The following NPAS3 variants were observed in gnomAD, a reference collection of about 807,000 sequenced individuals.
NPAS3 encodes the protein neuronal PAS domain protein 3.
Under a neutral mutation model 73.1 loss-of-function variants are expected in NPAS3, and 14 were observed. That is an observed-to-expected ratio of 0.19 (90% CI 0.13 to 0.30). The LOEUF is 0.30. NPAS3 is among the 10% of genes least tolerant of loss of function. The pLI, the probability that NPAS3 is intolerant of heterozygous loss-of-function variation, is 1.00. For missense variants in NPAS3, 1,096 were observed against 1,250.0 expected (o/e 0.88, Z 1.86); for synonymous variants, 620 against 541.5 (o/e 1.14, Z -2.01).
At chr14:33,479,274 G>A (rs958774380) in intron 4 of NPAS3, among the ~76,000 whole-genome samples, 4 of 151,878 alleles carry the variant, frequency 2.6e-5, no homozygotes, top group Non-Finnish European at 5.9e-5. Context: ...CTTACAGCTC[G>A]CTCTAGCAAG....
chr14:33,535,980 T>C (rs1734347360), intron 4 of NPAS3, among the ~76,000 whole-genome samples: 1 of 152,180 alleles, frequency 6.6e-6, no homozygotes, highest in Non-Finnish European at 1.5e-5. Flanking sequence ...AATACTCTCT[T>C]TGGCCATAGA....
At chr14:33,139,295 T>C (rs2043956402) in intron 2 of NPAS3, among the ~76,000 whole-genome samples, 1 of 152,198 alleles carries the variant, frequency 6.6e-6, no homozygotes, top group Non-Finnish European at 1.5e-5. Context: ...TATGTGCACA[T>C]TGGCTTCCTC....
chr14:32,973,437 C>G (rs1405184444), intron 1 of NPAS3, among the ~76,000 whole-genome samples: 1 of 151,924 alleles, frequency 6.6e-6, no homozygotes, highest in Non-Finnish European at 1.5e-5. Flanking sequence ...AACAGTGTTC[C>G]AAGTTTCATC....
intron 5 of NPAS3, among the ~76,000 whole-genome samples, chr14:33,613,855 G>A (rs141446833): frequency 3.5e-3 from 532 of 152,174 alleles, no homozygotes; most frequent in African/African-American, 0.012. Flanking sequence ...GTACTGCTTT[G>A]TTTATATTTT....
chr14:33,524,257 G>C (rs2053691832), intron 4 of NPAS3, among the ~76,000 whole-genome samples: 2 of 152,096 alleles, frequency 1.3e-5, no homozygotes, highest in Admixed American at 1.3e-4. Flanking sequence ...AACTGCATAT[G>C]TATTTGTCTG....
At position 33,789,583 on chromosome 14, in the gene NPAS3, C is replaced by CTTTTTTTTTTTTTTTTTTTTTTTTTTT. The variant is rs10567527; in HGVS notation, c.1154-4291_1154-4290insTTTTTTTTTTTTTTTTTTTTTTTTTTT. On this transcript the variant is annotated intron_variant, in intron 9 of 11. Coordinates refer to ENST00000356141, the Ensembl canonical transcript of NPAS3. ...ACTAAAAGTAATTACTAGAGTACAA[C>CTTTTTTTTTTTTTTTTTTTTTTTTTTT]TTTTTTTTTTTTTTTTTTTTTTTGA... Among the ~76,000 whole-genome samples the CTTTTTTTTTTTTTTTTTTTTTTTTTTT allele has an allele frequency of 9.7e-5, 9 of 92,412 alleles. 2 individuals are homozygous for CTTTTTTTTTTTTTTTTTTTTTTTTTTT. The highest frequency in any genetic ancestry group is 3.5e-4 in the African/African-American group (8 of 23,084). The allele number at this position is 92,412 out of a possible 152,430, so 60.6% of individuals were successfully genotyped here.
intron 6 of NPAS3, among the ~76,000 whole-genome samples, chr14:33,697,252 A>G (rs1414082559): frequency 6.6e-6 from 1 of 152,150 alleles, no homozygotes; most frequent in East Asian, 1.9e-4. Flanking sequence ...ACCTATGTCT[A>G]TCAGACAGCA....
intron 3 of NPAS3, among the ~76,000 whole-genome samples, chr14:33,321,795 T>A (rs961274766): frequency 7.9e-5 from 12 of 152,150 alleles, no homozygotes; most frequent in Non-Finnish European, 1.5e-5. Flanking sequence ...TAGGTGTTTT[T>A]ATGTAACACA....
At chr14:33,183,960 A>C (rs2045894956) in intron 2 of NPAS3, among the ~76,000 whole-genome samples, 1 of 152,136 alleles carries the variant, frequency 6.6e-6, no homozygotes, top group Non-Finnish European at 1.5e-5. Context: ...AGTATCCCTG[A>C]AAACTCTCAT....
At chr14:33,001,158 A>G (rs541072393) in intron 1 of NPAS3, among the ~76,000 whole-genome samples, 2 of 152,298 alleles carry the variant, frequency 1.3e-5, no homozygotes, top group East Asian at 3.9e-4. Flanking sequence ...GGTTTGTAAT[A>G]GCTACATTCT....
At chr14:33,375,864 T>A (rs2046291215) in intron 4 of NPAS3, among the ~76,000 whole-genome samples, 1 of 152,234 alleles carries the variant, frequency 6.6e-6, no homozygotes, top group Non-Finnish European at 1.5e-5. Flanking sequence ...TTATGTAATT[T>A]AGCAAACTAA....
intron 5 of NPAS3, among the ~76,000 whole-genome samples, chr14:33,588,679 C>T (rs1480417539): frequency 1.3e-5 from 2 of 152,084 alleles, no homozygotes. Context: ...AGCGGTGTGA[C>T]CTTGGCTCAC....
chr14:33,549,302 G>A (rs1386886193), intron 4 of NPAS3, among the ~76,000 whole-genome samples: 3 of 152,070 alleles, frequency 2.0e-5, no homozygotes, highest in Non-Finnish European at 4.4e-5. Flanking sequence ...CACAATCTCG[G>A]CTCACTGCAA....
chr14:33,777,240 T>C (rs2138499527), intron 8 of NPAS3, among the ~76,000 whole-genome samples: 1 of 152,242 alleles, frequency 6.6e-6, no homozygotes, highest in South Asian at 2.1e-4. Flanking sequence ...TAGCTAATGG[T>C]TTTAAGAAAA....
At chr14:33,499,550 C>T (rs1460227707) in intron 4 of NPAS3, among the ~76,000 whole-genome samples, 1 of 151,906 alleles carries the variant, frequency 6.6e-6, no homozygotes, top group Non-Finnish European at 1.5e-5. Flanking sequence ...CACTTGTAAG[C>T]TCCAGCACAC....
intron 2 of NPAS3, among the ~76,000 whole-genome samples, chr14:33,182,322 AT>A (rs959974894): frequency 2.6e-5 from 4 of 152,192 alleles, no homozygotes; most frequent in Non-Finnish European, 5.9e-5. Context: ...GTAGTTTGGA[AT>A]TTTGAACGCT....
intron 3 of NPAS3, among the ~76,000 whole-genome samples, chr14:33,271,156 C>T (rs2041058478): frequency 1.3e-5 from 2 of 152,130 alleles, no homozygotes; most frequent in Non-Finnish European, 2.9e-5. Flanking sequence ...ATCTAAGGCT[C>T]ATAGATTGAA....
intron 2 of NPAS3, among the ~76,000 whole-genome samples, chr14:33,112,013 G>T (rs2138970693): frequency 6.6e-6 from 1 of 152,166 alleles, no homozygotes; most frequent in East Asian, 1.9e-4. Flanking sequence ...CATTTTTTAT[G>T]GCTGCATAGT....
chr14:33,315,391 G>A (rs956211826), intron 3 of NPAS3, among the ~76,000 whole-genome samples: 11 of 151,976 alleles, frequency 7.2e-5, no homozygotes, highest in African/African-American at 2.4e-4. Flanking sequence ...CCAAACTTGA[G>A]AATGAGGTCA....
Sources: gnomAD v4.1 joint callset for allele counts (sites outside exome capture counted in the v4.1 genomes callset) on GRCh38, gnomAD v4.1.1 for gene constraint, MANE v1.5 for transcripts, NCBI Gene and HGNC (gene_info 2026-07-23, HGNC 2026-07-21) for gene names.